The following SH3RF3 variants were observed in gnomAD, a reference collection of about 807,000 sequenced individuals.
SH3RF3 encodes the protein E3 ubiquitin-protein ligase SH3RF3.
A neutral mutation model predicts 66.3 loss-of-function variants in SH3RF3; 29 were observed. The ratio of observed to expected loss-of-function variants is 0.44; its 90% CI spans 0.33 to 0.60. SH3RF3 has a LOEUF of 0.60. SH3RF3 is among the 20% of genes least tolerant of loss of function. The pLI is 0.04. For synonymous variants in SH3RF3, 583 were observed against 532.0 expected, an observed-to-expected ratio of 1.10 and a Z score of -1.32; for missense variants, 1,194 against 1,190.9, an observed-to-expected ratio of 1.00 and a Z score of -0.04.
At chr2:109,276,009 A>G (rs1199997866) in intron 1 of SH3RF3, among the ~76,000 whole-genome samples, 10 of 152,208 alleles carry the variant, frequency 6.6e-5, no homozygotes, top group Admixed American at 5.2e-4. Flanking sequence ...TTGGTCTCCA[A>G]TCCTGGAGAG....
At chr2:109,215,261 G>A (rs1457828899) in intron 1 of SH3RF3, among the ~76,000 whole-genome samples, 1 of 152,146 alleles carries the variant, frequency 6.6e-6, no homozygotes, top group Non-Finnish European at 1.5e-5. Context: ...TGGAGGGTAG[G>A]GGAGAAGGCC....
At chr2:109,210,819 A>C (rs1678957808) in intron 1 of SH3RF3, among the ~76,000 whole-genome samples, 1 of 152,206 alleles carries the variant, frequency 6.6e-6, no homozygotes, top group Admixed American at 6.5e-5. Context: ...GTCACTACAA[A>C]ATGTAGCTTT....
At chr2:109,474,102 C>T (rs769099204) in intron 8 of SH3RF3, among the ~76,000 whole-genome samples, 65 of 152,050 alleles carry the variant, frequency 4.3e-4, no homozygotes, top group Non-Finnish European at 6.8e-4. Context: ...CAGTCTGGGC[C>T]GGGCTGAGGA....
At chr2:109,439,137 C>G (rs1433127206) in intron 7 of SH3RF3, among the ~76,000 whole-genome samples, 1 of 152,170 alleles carries the variant, frequency 6.6e-6, no homozygotes, top group Non-Finnish European at 1.5e-5. Context: ...CAAGCAGGAT[C>G]AAAAGAAATT....
chr2:109,359,413 T>C (rs1264939190), intron 2 of SH3RF3, among the ~76,000 whole-genome samples: 2 of 152,206 alleles, frequency 1.3e-5, no homozygotes, highest in Non-Finnish European at 2.9e-5. Flanking sequence ...ACATGAAATA[T>C]CTATTTGTTT....
intron 1 of SH3RF3, among the ~76,000 whole-genome samples, chr2:109,303,924 T>C (rs112328476): frequency 0.02 from 2,995 of 152,064 alleles, 35 homozygotes; most frequent in South Asian, 0.028. Flanking sequence ...CTATAAGATA[T>C]AACCCCGTCT....
chr2:109,278,982 G>T (rs1007577017), intron 1 of SH3RF3, among the ~76,000 whole-genome samples: 1 of 152,206 alleles, frequency 6.6e-6, no homozygotes, highest in African/African-American at 2.4e-5. Context: ...AGACTTGTAG[G>T]TTTCCTCATT....
chr2:109,208,084 G>A (rs574953111), intron 1 of SH3RF3, among the ~76,000 whole-genome samples: 1 of 150,818 alleles, frequency 6.6e-6, no homozygotes, highest in Non-Finnish European at 1.5e-5. Context: ...GCCTGTGCTG[G>A]GCACAGTGCT....
At position 109,398,714 on chromosome 2, in the gene SH3RF3, T is replaced by C. The variant is rs1676221230; in HGVS notation, c.1070T>C (p.Leu357Ser). The C allele has an allele frequency of 1.9e-6, 3 of 1,612,800 alleles. No homozygotes were observed. Among genetic ancestry groups the C allele is most frequent in the African/African-American group, 1.3e-5 (1 of 74,910 alleles). The change falls in exon 4 of 10, where the codon TTA (leucine) becomes TCA (serine). Residue 357 changes from leucine to serine, a missense_variant. By Grantham distance (145) the Leu-to-Ser change is moderately radical. Coordinates refer to ENST00000309415, the MANE Select transcript of SH3RF3 (RefSeq NM_001099289.3). ...GCCAGCGTGGCCCCAAGTCCCACTT[T>C]AAGCAGCTCAGGGGCGGTCAGTGCC... The part of the protein sequence containing the change: ...AVASVAPSPT[L>S]SSSGAVSAFQ...
chr2:109,238,603 T>C (rs957559355), intron 1 of SH3RF3, among the ~76,000 whole-genome samples: 1 of 152,062 alleles, frequency 6.6e-6, no homozygotes, highest in Non-Finnish European at 1.5e-5. Context: ...AGGAATTCTT[T>C]TTCGCATTAT....
chr2:109,289,163 C>T (rs1202262176), intron 1 of SH3RF3, among the ~76,000 whole-genome samples: 1 of 152,060 alleles, frequency 6.6e-6, no homozygotes, highest in Non-Finnish European at 1.5e-5. Context: ...CCTCCATCCC[C>T]TGTCTCTCTC....
chr2:109,409,550 G>A (rs1431196598), intron 4 of SH3RF3, among the ~76,000 whole-genome samples: 1 of 152,138 alleles, frequency 6.6e-6, no homozygotes, highest in Admixed American at 6.5e-5. Context: ...GGCAGCAGTG[G>A]AGGGGAGTTT....
At chr2:109,381,669 C>T (rs1675677209) in intron 3 of SH3RF3, among the ~76,000 whole-genome samples, 10 of 152,018 alleles carry the variant, frequency 6.6e-5, no homozygotes. Flanking sequence ...AGAAGGCCCC[C>T]AGGATGGCTA....
At chr2:109,197,716 C>A (rs762283175) in intron 1 of SH3RF3, among the ~76,000 whole-genome samples, 2 of 152,206 alleles carry the variant, frequency 1.3e-5, no homozygotes, top group Non-Finnish European at 2.9e-5. Flanking sequence ...CGGGTGTGTG[C>A]CTTGCTGGAG....
chr2:109,429,402 C>T (rs149454027), intron 5 of SH3RF3, among the ~76,000 whole-genome samples: 18 of 152,250 alleles, frequency 1.2e-4, no homozygotes, highest in African/African-American at 2.4e-4. Flanking sequence ...ACCTAGAGGC[C>T]GAACTTAAAA....
intron 1 of SH3RF3, among the ~76,000 whole-genome samples, chr2:109,159,996 C>T (rs1162690954): frequency 2.6e-5 from 4 of 152,204 alleles, no homozygotes; most frequent in African/African-American, 7.2e-5. Context: ...ATGTGATGCG[C>T]TTGAATCATC....
chr2:109,432,387 A>C, intron 5 of SH3RF3, 114 bp from the exon 6 acceptor site: 1 of 1,330,088 alleles, frequency 7.5e-7, no homozygotes, highest in East Asian at 2.5e-5. Flanking sequence ...CATAGACTCT[A>C]GTGGGTCTTT....
intron 1 of SH3RF3, among the ~76,000 whole-genome samples, chr2:109,137,110 TA>T (rs1676833125): frequency 6.6e-6 from 1 of 152,242 alleles, no homozygotes; most frequent in African/African-American, 2.4e-5. Context: ...GGTGACCAGA[TA>T]TGCTGCAGAG....
At chr2:109,212,716 T>C (rs533909094) in intron 1 of SH3RF3, among the ~76,000 whole-genome samples, 2 of 152,348 alleles carry the variant, frequency 1.3e-5, no homozygotes, top group African/African-American at 4.8e-5. Context: ...TGTTGTATAA[T>C]AAAGACCCAT....
Sources: gnomAD v4.1 joint callset for allele counts (sites outside exome capture counted in the v4.1 genomes callset) on GRCh38, gnomAD v4.1.1 for gene constraint, MANE v1.5 for transcripts, NCBI Gene and HGNC (gene_info 2026-07-23, HGNC 2026-07-21) for gene names.